PSD2: variants seen among roughly 807,000 people sequenced by gnomAD.
PSD2 encodes pleckstrin and Sec7 domain containing 2.
PSD2 carries 38 observed loss-of-function variants against 69.8 expected under a neutral mutation model. The observed-to-expected ratio is 0.54, with a 90% CI of 0.42 to 0.71. PSD2 has a LOEUF of 0.71. Among genes scored for constraint, PSD2 ranks in the 30% least tolerant of loss-of-function variants. The pLI, the probability that PSD2 is intolerant of heterozygous loss-of-function variation, is 0.00. For missense variants in PSD2, 943 were observed against 1,014.5 expected, an observed-to-expected ratio of 0.93 and a Z score of 0.96; for synonymous variants, 412 against 423.0, an observed-to-expected ratio of 0.97 and a Z score of 0.32.
chr5:139,818,997 T>G (rs901072687), intron 5 of PSD2, among the ~76,000 whole-genome samples: 4 of 152,266 alleles, frequency 2.6e-5, no homozygotes, highest in Non-Finnish European at 5.9e-5. Flanking sequence ...CCCTTGCTGC[T>G]AACTCCAGTA....
chr5:139,754,028 G>T, the PSD2 span, among the ~76,000 whole-genome samples: 95 of 152,268 alleles, frequency 6.2e-4, no homozygotes, highest in African/African-American at 2.0e-3. Flanking sequence ...TAGAGATGGG[G>T]TTTCACCATG....
At chr5:139,809,939 T>A (rs946606038) in intron 2 of PSD2, 128 bp downstream of exon 2, 33 of 1,021,820 alleles carry the variant, frequency 3.2e-5, no homozygotes, top group Non-Finnish European at 2.8e-5. Flanking sequence ...TTCATATCCC[T>A]CTTTTGCCCA....
intron 1 of PSD2, among the ~76,000 whole-genome samples, chr5:139,807,520 T>C (rs1463394849): frequency 1.3e-5 from 2 of 152,192 alleles, no homozygotes; most frequent in Admixed American, 6.5e-5. Context: ...AGGTCTCCGA[T>C]GTCCTAGGAT....
In PSD2 at chr5:139,814,166, G is replaced by A; in HGVS notation, c.822-4G>A. On this transcript the variant is annotated splice_polypyrimidine_tract_variant and splice_region_variant and intron_variant, in intron 3 of 14. Transcript: ENST00000274710. The surrounding 1 kb of genome is among the most constrained non-coding windows in gnomAD (Gnocchi z 4.4). Reference sequence around the variant, plus strand: ...CTACTCTTCCACCCACCTTCCATCTGCAGTGACCCCAGCCTGAAGGATGGC... The same window carrying A: ...CTACTCTTCCACCCACCTTCCATCTACAGTGACCCCAGCCTGAAGGATGGC... 6.2e-7 allele frequency: 1 copy of A among 1,612,220 alleles called. No homozygotes were observed. Among genetic ancestry groups the A allele is most frequent in the Non-Finnish European group, 8.5e-7 (1 of 1,179,252 alleles).
intron 1 of PSD2, among the ~76,000 whole-genome samples, chr5:139,801,089 C>T (rs1310640026): frequency 6.6e-6 from 1 of 151,766 alleles, no homozygotes; most frequent in Admixed American, 6.6e-5. Flanking sequence ...CTTGTACTCC[C>T]AGGTACTCGG....
the PSD2 span, among the ~76,000 whole-genome samples, chr5:139,784,403 C>T: frequency 1.3e-5 from 2 of 152,276 alleles, no homozygotes; most frequent in South Asian, 4.1e-4. Context: ...CACTAATTGA[C>T]ATCTCGATGG....
chr5:139,761,370 A>T, the PSD2 span, among the ~76,000 whole-genome samples: 2 of 152,116 alleles, frequency 1.3e-5, no homozygotes, highest in East Asian at 3.8e-4. Flanking sequence ...TCATTTCATC[A>T]GTGTTGTAGA....
At chr5:139,791,770 C>T (rs1216515278), upstream of PSD2, among the ~76,000 whole-genome samples, 1 of 152,256 alleles carries the variant, frequency 6.6e-6, no homozygotes, top group Non-Finnish European at 1.5e-5. Flanking sequence ...CACCCTTGTG[C>T]AGTGCCCAGC....
At chr5:139,746,531 G>A in the PSD2 span, among the ~76,000 whole-genome samples, 1 of 152,162 alleles carries the variant, frequency 6.6e-6, no homozygotes, top group African/African-American at 2.4e-5. This position sits in a 1 kb window ranked among gnomAD's most constrained non-coding sequence, Gnocchi z 4.5. Flanking sequence ...CCTGGCCCCG[G>A]GGGTGTTATT....
the PSD2 span, among the ~76,000 whole-genome samples, chr5:139,774,350 G>A: frequency 6.6e-6 from 1 of 152,178 alleles, no homozygotes; most frequent in Non-Finnish European, 1.5e-5. Flanking sequence ...TAAGTGCACA[G>A]GACCTGAAGT....
intron 1 of PSD2, among the ~76,000 whole-genome samples, chr5:139,806,503 T>A (rs1449821714): frequency 1.3e-5 from 2 of 152,234 alleles, no homozygotes; most frequent in African/African-American, 4.8e-5. Flanking sequence ...CCTTCCTCAT[T>A]TGTCAAATAT....
the PSD2 span, among the ~76,000 whole-genome samples, chr5:139,774,173 G>A: frequency 6.6e-6 from 1 of 151,868 alleles, no homozygotes. Context: ...TTACACATTA[G>A]GCAGGAAGCA....
chr5:139,746,257 G>A, the PSD2 span: 2 of 152,358 alleles, frequency 1.3e-5, 1 homozygote, highest in South Asian at 4.1e-4. The surrounding 1 kb of genome is among the most constrained non-coding windows in gnomAD (Gnocchi z 4.5). Context: ...TTCTGTGAAG[G>A]TCTCAAAGTA....
rs1419100883 is a variant in PSD2, at chr5:139,814,391, C to T, written c.1016+27C>T. 1.9e-6 allele frequency: 3 copies of T among 1,558,246 alleles called. No homozygotes were observed. Among genetic ancestry groups the T allele is most frequent in the African/African-American group, 2.8e-5 (2 of 72,616 alleles). On this transcript the variant is annotated intron_variant, in intron 4 of 14. Coordinates refer to ENST00000274710, the MANE Select transcript of PSD2 (RefSeq NM_032289.4). This position sits in a 1 kb window ranked among gnomAD's most constrained non-coding sequence, Gnocchi z 4.4. ...TGAGTGTGAGCTCCCCTGCCCCCAA[C>T]CCTGGGCAAACCTCGTGTCTTCCTC... is the stretch of plus-strand genomic sequence containing the variant.
At position 139,837,280 on chromosome 5, in the gene PSD2, T is replaced by A; in HGVS notation, c.1665+42T>A. Reference sequence around the variant, plus strand: ...GAGACCTTACTCAGAAAGGGCCAGCTCAGTCCCATCCCGCCCTGGCCTTGT... The same window carrying A: ...GAGACCTTACTCAGAAAGGGCCAGCACAGTCCCATCCCGCCCTGGCCTTGT... On this transcript the variant is annotated intron_variant, in intron 11 of 14. Transcript: ENST00000274710. This position sits in a 1 kb window ranked among gnomAD's most constrained non-coding sequence, Gnocchi z 5.0. 1 of 1,592,094 alleles carries A rather than the reference T, an allele frequency of 6.3e-7. No individual in the cohort carries two copies. Among genetic ancestry groups the A allele is most frequent in the Non-Finnish European group, 8.6e-7 (1 of 1,163,598 alleles).
chr5:139,804,517 C>A (rs1759749338), intron 1 of PSD2, among the ~76,000 whole-genome samples: 3 of 152,156 alleles, frequency 2.0e-5, no homozygotes, highest in Admixed American at 2.0e-4. Context: ...GGACTTGGAA[C>A]TGGTTAGGTA....
chr5:139,822,892 T>C lies in PSD2; in HGVS notation c.1269+108T>C, dbSNP rs541538827. On this transcript the variant is annotated intron_variant, in intron 7 of 14. Coordinates refer to ENST00000274710, the MANE Select transcript of PSD2 (RefSeq NM_032289.4). ...CTTACTCAGTGGCCGGGCTTCTTTT[T>C]GAAGCGGTGGGGGTTGGGCAGCTTG... The C allele has an allele frequency of 1.3e-4, 127 of 964,320 alleles. No individual in the cohort carries two copies. In the African/African-American group the frequency reaches 2.1e-3, roughly 16 times the overall value. The allele number at this position is 964,320 out of a possible 1,614,324, so 59.7% of individuals were successfully genotyped here. A position where few individuals can be genotyped will look rare whatever the true frequency, so the allele number is the denominator to read the frequency against.
chr5:139,766,906 TC>T, the PSD2 span, among the ~76,000 whole-genome samples: 4 of 63,528 alleles, frequency 6.3e-5, no homozygotes, highest in African/African-American at 1.0e-4. Context: ...CCTCTTTCCC[TC>T]CCTTCCTTCC....
At chr5:139,811,530 T>C (rs1363601854) in intron 2 of PSD2, among the ~76,000 whole-genome samples, 1 of 152,190 alleles carries the variant, frequency 6.6e-6, no homozygotes, top group Non-Finnish European at 1.5e-5. Flanking sequence ...CTCAGCCTGC[T>C]GTGTTCTTTC....
Sources: allele counts gnomAD v4.1 joint callset (sites outside exome capture counted in the v4.1 genomes callset), GRCh38; gene constraint gnomAD v4.1.1; non-coding constraint Gnocchi (gnomAD v3.1); transcripts MANE v1.5; gene names NCBI Gene and HGNC (gene_info 2026-07-23, HGNC 2026-07-21).